Variants in SRPK1 observed in about 807,000 individuals in gnomAD.
SRPK1 encodes SFRS protein kinase 1.
SRPK1 carries 52 observed loss-of-function variants against 89.5 expected under a neutral mutation model. That is an observed-to-expected ratio of 0.58 (90% CI 0.46 to 0.73). The LOEUF is 0.73. SRPK1 is among the 30% of genes least tolerant of loss of function. SRPK1 has a pLI of 0.00. For missense variants in SRPK1, 603 were observed against 780.6 expected (o/e 0.77, Z 2.71); for synonymous variants, 255 against 270.2 (o/e 0.94, Z 0.55).
At position 35,857,331 on chromosome 6, in the gene SRPK1, T is replaced by C. The variant is rs759233607; in HGVS notation, c.1550A>G (p.Tyr517Cys). The C allele has an allele frequency of 1.9e-6, 3 of 1,612,894 alleles. No individual in the cohort carries two copies. Among genetic ancestry groups the C allele is most frequent in the Admixed American group, 1.7e-5 (1 of 59,850 alleles). ...TCCGATTAGAACTTCCAAGGAACGATATTGCCTTGTTTGAATATCTTCAGT... is the reference window on the plus strand; with the variant it reads ...TCCGATTAGAACTTCCAAGGAACGACATTGCCTTGTTTGAATATCTTCAGT... ...HFTEDIQTRQ[Y>C]RSLEVLIGSG... The change falls in exon 13 of 16, where the codon TAT (tyrosine) becomes TGT (cysteine). Residue 517 changes from tyrosine (Y) to cysteine (C), a missense_variant. Coordinates refer to ENST00000373825, the MANE Select transcript of SRPK1 (RefSeq NM_003137.5).
chr6:35,857,358 A>C lies in SRPK1; in HGVS notation c.1523T>G (p.Phe508Cys), dbSNP rs375404434. The C allele has an allele frequency of 3.3e-5, 53 of 1,608,634 alleles. No homozygotes were observed. The highest frequency in any genetic ancestry group is 3.8e-5 in the Non-Finnish European group (45 of 1,177,188). Residue 508 changes from phenylalanine (F) to cysteine (C), a missense_variant, in exon 13 of 16, where the codon TTC (phenylalanine) becomes TGC (cysteine). By Grantham distance (205) the Phe-to-Cys change is radical. Coordinates refer to ENST00000373825, the MANE Select transcript of SRPK1 (RefSeq NM_003137.5). Reference protein sequence around the residue: ...LGNACWVHKHFTEDIQTRQYR... With the variant: ...LGNACWVHKHCTEDIQTRQYR... Reference sequence around the variant, plus strand: ...TTGCCTTGTTTGAATATCTTCAGTGAAATGTTTGTGCTGAGAAAATGAAGG... The same window carrying C: ...TTGCCTTGTTTGAATATCTTCAGTGCAATGTTTGTGCTGAGAAAATGAAGG...
chr6:35,906,642 A>C (rs1386340346), intron 2 of SRPK1, among the ~76,000 whole-genome samples: 2 of 152,212 alleles, frequency 1.3e-5, no homozygotes, highest in Non-Finnish European at 2.9e-5. Flanking sequence ...GTGGCTGCCT[A>C]AGGTTGAAGG....
chr6:35,897,905 T>C (rs1770657218), intron 2 of SRPK1, among the ~76,000 whole-genome samples: 1 of 152,226 alleles, frequency 6.6e-6, no homozygotes, highest in Non-Finnish European at 1.5e-5. Flanking sequence ...AATAGATTTA[T>C]TAGCTGCATA....
intron 12 of SRPK1, among the ~76,000 whole-genome samples, chr6:35,865,585 T>C (rs1769878708): frequency 6.6e-6 from 1 of 152,106 alleles, no homozygotes; most frequent in Non-Finnish European, 1.5e-5. Flanking sequence ...TGTATTAGTA[T>C]TAAAATAGAT....
intron 2 of SRPK1, among the ~76,000 whole-genome samples, chr6:35,908,994 T>A (rs1357038324): frequency 6.6e-6 from 1 of 152,132 alleles, no homozygotes; most frequent in Non-Finnish European, 1.5e-5. Flanking sequence ...GCTGCAGGGG[T>A]GGAGCCCTCA....
intron 12 of SRPK1, among the ~76,000 whole-genome samples, chr6:35,860,525 T>C (rs1392082238): frequency 3.3e-5 from 5 of 152,146 alleles, no homozygotes; most frequent in African/African-American, 2.4e-5. Context: ...TGGCAAGCAT[T>C]TGATGTTTGT....
chr6:35,908,732 T>C (rs767513509), intron 2 of SRPK1, among the ~76,000 whole-genome samples: 3 of 151,820 alleles, frequency 2.0e-5, no homozygotes, highest in Admixed American at 6.6e-5. Context: ...ACCAAGACAA[T>C]AGAGAAAATG....
chr6:35,915,995 T>TACACACAC (rs1353733748), intron 2 of SRPK1, among the ~76,000 whole-genome samples: 21 of 54,640 alleles, frequency 3.8e-4, no homozygotes, highest in Non-Finnish European at 6.5e-4. Flanking sequence ...AAAAAAAATA[T>TACACACAC]ATACACACAC....
chr6:35,895,300 G>A (rs1310096226), intron 2 of SRPK1, among the ~76,000 whole-genome samples: 2 of 152,132 alleles, frequency 1.3e-5, no homozygotes, highest in Admixed American at 6.5e-5. Flanking sequence ...AGAACGTAAG[G>A]ATTCTTTGTA....
chr6:35,892,258 T>C (rs905460281), intron 2 of SRPK1, among the ~76,000 whole-genome samples: 2 of 152,230 alleles, frequency 1.3e-5, no homozygotes, highest in African/African-American at 4.8e-5. Flanking sequence ...CAATTAGTTA[T>C]ATCACAACTT....
At chr6:35,845,213 G>A (rs1169967380) in intron 13 of SRPK1, among the ~76,000 whole-genome samples, 1 of 152,160 alleles carries the variant, frequency 6.6e-6, no homozygotes, top group Non-Finnish European at 1.5e-5. Context: ...AGATACATTT[G>A]TCAAAACTTC....
intron 2 of SRPK1, 169 bp downstream of exon 2, chr6:35,920,299 C>T (rs865829141): frequency 1.4e-6 from 1 of 728,284 alleles, no homozygotes; most frequent in African/African-American, 1.7e-5. Context: ...TGAGCAACAG[C>T]AGCTCTCTTC....
chr6:35,878,698 T>C (rs1421982451), intron 6 of SRPK1, among the ~76,000 whole-genome samples: 1 of 152,174 alleles, frequency 6.6e-6, no homozygotes, highest in Non-Finnish European at 1.5e-5. Flanking sequence ...AAGCCCCTCT[T>C]CTGGCTCAAG....
rs749935901 is a variant in SRPK1, at chr6:35,841,830, CAAAAAA to C, written c.1690+699_1690+704del. Among the ~76,000 whole-genome samples, 31 of 44,740 alleles carry C rather than the reference CAAAAAA, an allele frequency of 6.9e-4. No homozygotes were observed. In the East Asian group the frequency reaches 0.012, roughly 18 times the overall value. The allele number at this position is 44,740 out of a possible 152,430, so 29.4% of individuals were successfully genotyped here. A position where few individuals can be genotyped will look rare whatever the true frequency, so the allele number is the denominator to read the frequency against. On this transcript the variant is annotated intron_variant, in intron 14 of 15. Transcript: ENST00000373825. Reference sequence around the variant, plus strand: ...CTGGCGACAGAGTGAGACTCCGTCTCAAAAAAAAAAAAAAAAAAAAAAAAAATCACA... The same window carrying C: ...CTGGCGACAGAGTGAGACTCCGTCTCAAAAAAAAAAAAAAAAAAAATCACA...
intron 13 of SRPK1, among the ~76,000 whole-genome samples, chr6:35,848,870 G>A (rs1002013509): frequency 3.3e-5 from 5 of 152,136 alleles, no homozygotes; most frequent in Admixed American, 2.0e-4. Context: ...GACTTAATAA[G>A]ACCTGAAACT....
intron 2 of SRPK1, among the ~76,000 whole-genome samples, chr6:35,904,217 C>A (rs987033705): frequency 3.9e-5 from 6 of 152,134 alleles, no homozygotes; most frequent in African/African-American, 1.4e-4. Context: ...CTTCTGATAA[C>A]TTTCTGAAGT....
chr6:35,920,294 A>G (rs770561434), intron 2 of SRPK1, 174 bp downstream of exon 2: 2 of 718,908 alleles, frequency 2.8e-6, no homozygotes, highest in South Asian at 1.5e-5. Context: ...GGCGTTGAGC[A>G]ACAGCAGCTC....
chr6:35,845,937 A>G (rs544488563), intron 13 of SRPK1, among the ~76,000 whole-genome samples: 1 of 152,334 alleles, frequency 6.6e-6, no homozygotes, highest in East Asian at 1.9e-4. Context: ...TTTTAGAAAA[A>G]AGGAATTAAC....
intron 2 of SRPK1, among the ~76,000 whole-genome samples, chr6:35,907,737 T>C (rs1326517377): frequency 6.6e-6 from 1 of 151,768 alleles, no homozygotes; most frequent in Non-Finnish European, 1.5e-5. Context: ...AAAAAATAAG[T>C]AAGATGGAGT....
Sources: gnomAD v4.1 joint callset for allele counts (sites outside exome capture counted in the v4.1 genomes callset) on GRCh38, gnomAD v4.1.1 for gene constraint, MANE v1.5 for transcripts, NCBI Gene and HGNC (gene_info 2026-07-23, HGNC 2026-07-21) for gene names.